CCSER1: variants seen among roughly 807,000 people sequenced by gnomAD.
The protein encoded by CCSER1 is serine-rich coiled-coil domain-containing protein 1.
Under a neutral mutation model 82.0 loss-of-function variants are expected in CCSER1, and 41 were observed. The ratio of observed to expected loss-of-function variants is 0.50; its 90% CI spans 0.39 to 0.65. The LOEUF (loss-of-function observed/expected upper bound fraction) is 0.65. Ranked by LOEUF, CCSER1 falls within the 30% of genes least tolerant of loss-of-function variation. The pLI, the probability that CCSER1 is intolerant of heterozygous loss-of-function variation, is 0.00. For missense variants in CCSER1, 1,119 were observed against 1,064.2 expected (o/e 1.05, Z -0.72); for synonymous variants, 414 against 383.9 (o/e 1.08, Z -0.92).
At chr4:91,041,729 ACAAAGT>A (rs1367697426) in intron 9 of CCSER1, among the ~76,000 whole-genome samples, 26 of 152,346 alleles carry the variant, frequency 1.7e-4, no homozygotes, top group Admixed American at 2.0e-4. Flanking sequence ...TTACATTTCA[ACAAAGT>A]CAATTCCAGC....
intron 8 of CCSER1, among the ~76,000 whole-genome samples, chr4:90,883,987 T>C (rs1349572258): frequency 6.6e-6 from 1 of 152,170 alleles, no homozygotes; most frequent in Non-Finnish European, 1.5e-5. Context: ...GGTAACTGAG[T>C]GACATGTGAA....
chr4:91,554,460 A>C (rs972293805), intron 10 of CCSER1, among the ~76,000 whole-genome samples: 2 of 151,372 alleles, frequency 1.3e-5, no homozygotes, highest in African/African-American at 4.9e-5. Flanking sequence ...AATAGCACAA[A>C]AAAATCTTAA....
chr4:90,413,896 C>T (rs1334106468), intron 4 of CCSER1, among the ~76,000 whole-genome samples: 1 of 126,794 alleles, frequency 7.9e-6, no homozygotes, highest in Non-Finnish European at 1.6e-5. Context: ...TTGCAGTGAG[C>T]CAAGATTGCG....
At chr4:91,080,125 C>G (rs903248320) in intron 9 of CCSER1, among the ~76,000 whole-genome samples, 3 of 152,198 alleles carry the variant, frequency 2.0e-5, no homozygotes, top group Admixed American at 2.0e-4. Flanking sequence ...TTCTTCTAAG[C>G]ACCACATCAC....
chr4:91,210,922 A>G (rs1352384583), intron 10 of CCSER1, among the ~76,000 whole-genome samples: 1 of 152,002 alleles, frequency 6.6e-6, no homozygotes, highest in Non-Finnish European at 1.5e-5. Flanking sequence ...CACACTAAGT[A>G]TTCGGGTGTG....
At chr4:91,334,600 CATG>C (rs1034099074) in intron 10 of CCSER1, among the ~76,000 whole-genome samples, 2 of 151,846 alleles carry the variant, frequency 1.3e-5, no homozygotes, top group Non-Finnish European at 2.9e-5. Flanking sequence ...ATCTATAAAA[CATG>C]GTGGTAGAGA....
chr4:90,990,570 T>C (rs1419291471), intron 9 of CCSER1, among the ~76,000 whole-genome samples: 1 of 151,926 alleles, frequency 6.6e-6, no homozygotes, highest in Non-Finnish European at 1.5e-5. Flanking sequence ...GGAGTGCTTC[T>C]GGAAAGCAGT....
At chr4:90,297,334 C>T (rs1298304164) in intron 1 of CCSER1, among the ~76,000 whole-genome samples, 1 of 149,674 alleles carries the variant, frequency 6.7e-6, no homozygotes, top group African/African-American at 2.5e-5. Flanking sequence ...GATTTTTGTA[C>T]ATTGATTTTA....
At chr4:90,498,513 A>G (rs1240824870) in intron 5 of CCSER1, among the ~76,000 whole-genome samples, 1 of 152,218 alleles carries the variant, frequency 6.6e-6, no homozygotes, top group African/African-American at 2.4e-5. Flanking sequence ...TTAAGTTGAG[A>G]GTATCCTCAT....
chr4:90,268,607 A>G (rs1725677369), intron 1 of CCSER1, among the ~76,000 whole-genome samples: 1 of 152,110 alleles, frequency 6.6e-6, no homozygotes, highest in Admixed American at 6.5e-5. Flanking sequence ...ACTTCACTAA[A>G]AGGGAGACAG....
rs115188152 is a variant in CCSER1 at position 90,992,022 on chromosome 4, T to G, written c.2172+68575T>G. On this transcript the variant is annotated intron_variant, in intron 9 of 10. Coordinates refer to ENST00000509176, the MANE Select transcript of CCSER1 (RefSeq NM_001145065.2). ...CTCCAGAGTATTGAATGTTCTCATCTTAAAGCTTTTCTTATTTGAACTGAC... is the reference window on the plus strand; with the variant it reads ...CTCCAGAGTATTGAATGTTCTCATCGTAAAGCTTTTCTTATTTGAACTGAC... Among the ~76,000 whole-genome samples the G allele has an allele frequency of 5.8e-3, 889 of 152,198 alleles. 2 individuals carry two copies. The highest frequency in any genetic ancestry group is 0.02 in the African/African-American group (847 of 41,564).
At position 90,654,374 on chromosome 4, in the gene CCSER1, G is replaced by A. The variant is rs1729326342; in HGVS notation, c.1932+26142G>A. ...TATTACTTTAATTTACTTGACACTTGAATTTGTATTTTCTTCCTTTTATAC... is the reference window on the plus strand; with the variant it reads ...TATTACTTTAATTTACTTGACACTTAAATTTGTATTTTCTTCCTTTTATAC... On this transcript the variant is annotated intron_variant, in intron 6 of 10. Transcript: ENST00000509176. Among the ~76,000 whole-genome samples, 9 of 151,850 alleles carry A rather than the reference G, an allele frequency of 5.9e-5. 1 individual carries two copies. The highest frequency in any genetic ancestry group is 5.9e-4 in the Admixed American group (9 of 15,238).
intron 7 of CCSER1, among the ~76,000 whole-genome samples, chr4:90,763,265 A>G (rs1325700759): frequency 6.6e-6 from 1 of 151,932 alleles, no homozygotes; most frequent in Non-Finnish European, 1.5e-5. Flanking sequence ...ATCATGGAGG[A>G]CTCATGGGTG....
At chr4:91,515,695 G>T (rs112230866) in intron 10 of CCSER1, among the ~76,000 whole-genome samples, 5 of 151,948 alleles carry the variant, frequency 3.3e-5, no homozygotes, top group African/African-American at 1.2e-4. Flanking sequence ...GTAGAATGAT[G>T]ATATTCTTTT....
chr4:90,961,083 T>A (rs543793345), intron 9 of CCSER1, among the ~76,000 whole-genome samples: 3 of 152,262 alleles, frequency 2.0e-5, no homozygotes, highest in African/African-American at 7.2e-5. Context: ...GTTGACAAAC[T>A]CTTAGATTCC....
intron 7 of CCSER1, among the ~76,000 whole-genome samples, chr4:90,785,252 G>T (rs999835059): frequency 1.3e-5 from 2 of 151,978 alleles, no homozygotes; most frequent in Non-Finnish European, 2.9e-5. Flanking sequence ...TGTCCAGGCT[G>T]GTCTGGAACT....
chr4:90,380,129 G>T (rs1163313748), intron 3 of CCSER1, among the ~76,000 whole-genome samples: 1 of 152,126 alleles, frequency 6.6e-6, no homozygotes, highest in Non-Finnish European at 1.5e-5. Context: ...TGAGATTTGA[G>T]CAGGGACACA....
At chr4:90,363,226 C>T (rs1745692502) in intron 3 of CCSER1, among the ~76,000 whole-genome samples, 2 of 152,088 alleles carry the variant, frequency 1.3e-5, no homozygotes, top group Admixed American at 6.6e-5. Flanking sequence ...CTCTCCTTGT[C>T]AATTGCTTAT....
intron 5 of CCSER1, among the ~76,000 whole-genome samples, chr4:90,530,646 C>T (rs1578990813): frequency 6.6e-6 from 1 of 152,156 alleles, no homozygotes; most frequent in East Asian, 1.9e-4. Flanking sequence ...GCTCCTGGAA[C>T]TGTCATGGCG....
Sources: gnomAD v4.1 joint callset for allele counts (sites outside exome capture counted in the v4.1 genomes callset) on GRCh38, gnomAD v4.1.1 for gene constraint, MANE v1.5 for transcripts, NCBI Gene and HGNC (gene_info 2026-07-23, HGNC 2026-07-21) for gene names.